Variants in LMX1B observed in about 807,000 individuals in gnomAD.
LMX1B encodes LIM homeobox transcription factor 1-beta.
In LMX1B, 12 loss-of-function variants were observed where a neutral mutation model predicts 51.4. The ratio of observed to expected loss-of-function variants is 0.23; its 90% CI spans 0.15 to 0.38. LMX1B has a LOEUF of 0.38. Among genes scored for constraint, LMX1B ranks in the 10% least tolerant of loss-of-function variants. LMX1B has a pLI of 1.00. For missense variants in LMX1B, 445 were observed against 571.1 expected, an observed-to-expected ratio of 0.78 and a Z score of 2.25; for synonymous variants, 237 against 235.4, an observed-to-expected ratio of 1.01 and a Z score of -0.06.
intron 2 of LMX1B, among the ~76,000 whole-genome samples, chr9:126,653,178 G>A (rs1291950791): frequency 9.0e-6 from 1 of 110,686 alleles, no homozygotes; most frequent in African/African-American, 3.6e-5. Context: ...TTTGAGACAA[G>A]GTCTCACTTG....
chr9:126,625,524 G>C lies in LMX1B; in HGVS notation c.326+9955G>C, dbSNP rs929413426. Among the ~76,000 whole-genome samples, 1 of 152,238 alleles carries C rather than the reference G, an allele frequency of 6.6e-6. No homozygotes were observed. The highest frequency in any genetic ancestry group is 1.5e-5 in the Non-Finnish European group (1 of 68,040). On this transcript the variant is annotated intron_variant, in intron 2 of 7. Transcript: ENST00000373474. This position sits in a 1 kb window ranked among gnomAD's most constrained non-coding sequence, Gnocchi z 5.3. ...TGGAGATGCCAGGCTGGGGCCCTCG[G>C]CGGGGCAGATTTCGTTGGATCCCTG...
rs1440738235 is a variant in LMX1B, at chr9:126,626,942, C to T, written c.326+11373C>T. ...GCCCGGCCGGGCCCGCAGCGTCCGCCGGTCCGTCCGGGCTCCTCTGCAGGG... is the reference window on the plus strand; with the variant it reads ...GCCCGGCCGGGCCCGCAGCGTCCGCTGGTCCGTCCGGGCTCCTCTGCAGGG... On this transcript the variant is annotated intron_variant, in intron 2 of 7. Coordinates refer to ENST00000373474, the MANE Select transcript of LMX1B (RefSeq NM_001174147.2). This position sits in a 1 kb window ranked among gnomAD's most constrained non-coding sequence, Gnocchi z 4.3. 6.6e-6 allele frequency among the ~76,000 whole-genome samples: 1 copy of T among 152,184 alleles called. No homozygotes were observed. The highest frequency in any genetic ancestry group is 1.5e-5 in the Non-Finnish European group (1 of 68,026).
chr9:126,646,333 TACCC>T (rs1404512106), intron 2 of LMX1B, among the ~76,000 whole-genome samples: 4 of 102,044 alleles, frequency 3.9e-5, no homozygotes, highest in African/African-American at 2.1e-4. Flanking sequence ...TCCATCTACC[TACCC>T]ATCCATCCAT....
At chr9:126,683,282 C>G (rs994668327) in intron 2 of LMX1B, among the ~76,000 whole-genome samples, 1 of 151,466 alleles carries the variant, frequency 6.6e-6, no homozygotes, top group Admixed American at 6.6e-5. Context: ...CCGGGGCCCC[C>G]GCCCGCGGCT....
chr9:126,652,296 A>AAGG (rs1554724846), intron 2 of LMX1B, among the ~76,000 whole-genome samples: 2 of 120,280 alleles, frequency 1.7e-5, no homozygotes, highest in Non-Finnish European at 3.6e-5. Flanking sequence ...GAGGAGGAGA[A>AAGG]GGGGGGGGGG....
chr9:126,685,069 A>G (rs1255088326), intron 2 of LMX1B, among the ~76,000 whole-genome samples: 1 of 152,074 alleles, frequency 6.6e-6, no homozygotes, highest in Admixed American at 6.5e-5. Flanking sequence ...CCAGTATCTG[A>G]TTTCTGGGTT....
chr9:126,669,772 G>C (rs1024773726), intron 2 of LMX1B, among the ~76,000 whole-genome samples: 7 of 152,146 alleles, frequency 4.6e-5, no homozygotes, highest in African/African-American at 1.4e-4. Context: ...GCTTGGGTCA[G>C]TTGTCTCTAG....
At chr9:126,685,507 G>T (rs543943990) in intron 2 of LMX1B, among the ~76,000 whole-genome samples, 8 of 152,342 alleles carry the variant, frequency 5.3e-5, no homozygotes, top group Admixed American at 3.3e-4. Context: ...GTAGGTAGCA[G>T]TGTCCTGGAC....
intron 2 of LMX1B, among the ~76,000 whole-genome samples, chr9:126,638,726 A>G (rs554879879): frequency 6.6e-6 from 1 of 151,782 alleles, no homozygotes; most frequent in East Asian, 2.0e-4. Context: ...TGCTCTTCGG[A>G]GCGCGCTCCG....
At chr9:126,693,407 G>T (rs1348324705) in intron 4 of LMX1B, 84 bp downstream of exon 4, 2 of 1,547,534 alleles carry the variant, frequency 1.3e-6, no homozygotes, top group African/African-American at 1.4e-5. Context: ...CTCCTGCTGG[G>T]GGTAGGGACA....
intron 2 of LMX1B, among the ~76,000 whole-genome samples, chr9:126,621,326 T>G (rs1012304005): frequency 6.6e-6 from 1 of 152,234 alleles, no homozygotes; most frequent in African/African-American, 2.4e-5. Context: ...CCCTTGGCTG[T>G]CTGGCTGACC....
At chr9:126,632,821 G>A (rs1283747311) in intron 2 of LMX1B, among the ~76,000 whole-genome samples, 1 of 152,246 alleles carries the variant, frequency 6.6e-6, no homozygotes, top group African/African-American at 2.4e-5. Flanking sequence ...GGAAGAGCCG[G>A]CTTGACCTGT....
chr9:126,636,055 C>A (rs1178778016), intron 2 of LMX1B, among the ~76,000 whole-genome samples: 3 of 146,456 alleles, frequency 2.0e-5, no homozygotes, highest in Non-Finnish European at 3.0e-5. Context: ...TACCCTGGAG[C>A]CCTCCCCTCT....
chr9:126,620,605 G>A (rs1342662677), intron 2 of LMX1B, among the ~76,000 whole-genome samples: 1 of 152,116 alleles, frequency 6.6e-6, no homozygotes, highest in African/African-American at 2.4e-5. Context: ...TCCTTTGGGG[G>A]CAGACGGGTG....
intron 3 of LMX1B, 39 bp from the exon 4 acceptor site, chr9:126,693,103 C>T (rs930933113): frequency 1.9e-6 from 3 of 1,543,044 alleles, no homozygotes; most frequent in Non-Finnish European, 2.6e-6. Flanking sequence ...CTGGGCTGCC[C>T]CCGCCCCTTC....
At chr9:126,622,779 G>A (rs1035309251) in intron 2 of LMX1B, among the ~76,000 whole-genome samples, 9 of 152,198 alleles carry the variant, frequency 5.9e-5, no homozygotes, top group Non-Finnish European at 1.0e-4. Context: ...AGGGGTCCTG[G>A]GTGGGGCACA....
rs1297989541 is a variant in LMX1B at position 126,615,313 on chromosome 9, C to G, written c.140-70C>G. On this transcript the variant is annotated intron_variant, in intron 1 of 7. Transcript: ENST00000373474. The surrounding 1 kb of genome is among the most constrained non-coding windows in gnomAD (Gnocchi z 6.0). ...CCCTCGGGGCCGAGGGCTGTGGGCCCGGTGCGACCGGGACGCCGGGGCTGG... is the reference window on the plus strand; with the variant it reads ...CCCTCGGGGCCGAGGGCTGTGGGCCGGGTGCGACCGGGACGCCGGGGCTGG... 5.4e-5 allele frequency: 69 copies of G among 1,284,738 alleles called. No homozygotes were observed. The highest frequency in any genetic ancestry group is 6.9e-5 in the Non-Finnish European group (68 of 989,464). The allele number at this position is 1,284,738 out of a possible 1,614,324, so 79.6% of individuals were successfully genotyped here. A position where few individuals can be genotyped will look rare whatever the true frequency, so the allele number is the denominator to read the frequency against.
At chr9:126,670,849 A>T (rs1195768430) in intron 2 of LMX1B, among the ~76,000 whole-genome samples, 1 of 152,236 alleles carries the variant, frequency 6.6e-6, no homozygotes, top group Admixed American at 6.5e-5. Flanking sequence ...TTTCTCTTAA[A>T]GTCGCAGTTC....
chr9:126,657,139 G>C (rs148991214), intron 2 of LMX1B, among the ~76,000 whole-genome samples: 10 of 152,328 alleles, frequency 6.6e-5, no homozygotes, highest in African/African-American at 2.4e-4. Flanking sequence ...TTTGTTCTGA[G>C]ATTTTGAAAA....
Sources: allele counts gnomAD v4.1 joint callset (sites outside exome capture counted in the v4.1 genomes callset), GRCh38; gene constraint gnomAD v4.1.1; non-coding constraint Gnocchi (gnomAD v3.1); transcripts MANE v1.5; gene names NCBI Gene and HGNC (gene_info 2026-07-23, HGNC 2026-07-21).